The following PCGF6 variants were observed in gnomAD, a reference collection of about 807,000 sequenced individuals.
PCGF6 encodes the protein polycomb group RING finger protein 6.
A neutral mutation model predicts 45.5 loss-of-function variants in PCGF6; 24 were observed. The observed-to-expected ratio is 0.53, with a 90% CI of 0.38 to 0.74. PCGF6 has a LOEUF of 0.74. PCGF6 is among the 30% of genes least tolerant of loss of function. PCGF6 has a pLI of 0.00. For missense variants in PCGF6, 356 were observed against 443.2 expected (o/e 0.80, Z 1.77); for synonymous variants, 152 against 162.1 (o/e 0.94, Z 0.47).
chr10:103,328,833 C>T (rs2093228780), intron 7 of PCGF6, among the ~76,000 whole-genome samples: 3 of 151,778 alleles, frequency 2.0e-5, no homozygotes, highest in South Asian at 4.2e-4. Flanking sequence ...CTCACTGCAA[C>T]CTCTGCCTTC....
intron 5 of PCGF6, among the ~76,000 whole-genome samples, chr10:103,346,600 G>A (rs1362489670): frequency 6.6e-6 from 1 of 152,138 alleles, no homozygotes; most frequent in Non-Finnish European, 1.5e-5. Flanking sequence ...CTCCAGCCTG[G>A]TGACATCTCA....
intron 6 of PCGF6, among the ~76,000 whole-genome samples, chr10:103,339,811 ACACACACACACACACACACACAC>A (rs2093272957): frequency 2.2e-5 from 1 of 45,006 alleles, no homozygotes; most frequent in Admixed American, 2.0e-4. Flanking sequence ...CAAAAAAAAA[ACACACACACACACACACACACAC>A]ACACACACAC....
At chr10:103,321,747 T>C (rs996913927) in intron 8 of PCGF6, among the ~76,000 whole-genome samples, 2 of 151,934 alleles carry the variant, frequency 1.3e-5, no homozygotes, top group Admixed American at 6.6e-5. Context: ...TAATAATATA[T>C]TGTAATTGCT....
At chr10:103,325,363 C>T (rs1374423020) in intron 8 of PCGF6, among the ~76,000 whole-genome samples, 1 of 151,948 alleles carries the variant, frequency 6.6e-6, no homozygotes, top group African/African-American at 2.4e-5. Flanking sequence ...AAGCAATTCT[C>T]CTGCCTCAGC....
At chr10:103,339,785 G>A (rs1450315762) in intron 6 of PCGF6, among the ~76,000 whole-genome samples, 56 of 130,400 alleles carry the variant, frequency 4.3e-4, no homozygotes, top group African/African-American at 1.6e-3. Context: ...GAACAAAAGC[G>A]AAATTCTGTC....
At chr10:103,315,469 C>G (rs1243034887) in intron 8 of PCGF6, among the ~76,000 whole-genome samples, 1 of 152,176 alleles carries the variant, frequency 6.6e-6, no homozygotes, top group African/African-American at 2.4e-5. Flanking sequence ...ACGCCATTCC[C>G]CTGCCTCAGC....
At chr10:103,329,622 C>T (rs572013877) in intron 7 of PCGF6, among the ~76,000 whole-genome samples, 38 of 151,852 alleles carry the variant, frequency 2.5e-4, no homozygotes, top group African/African-American at 7.2e-4. Flanking sequence ...GGACTACAGG[C>T]GTGAGCCACC....
intron 8 of PCGF6, among the ~76,000 whole-genome samples, chr10:103,322,269 T>G (rs1222942252): frequency 6.6e-6 from 1 of 152,074 alleles, no homozygotes; most frequent in Admixed American, 6.6e-5. Context: ...GGTGCAATCA[T>G]GGATCACTGT....
rs578213979 is a variant in PCGF6 at position 103,350,676 on chromosome 10, C to T, written c.360+31G>A. ...AGCTACGTCCCTGACGCCGCTTGGGCCCAGCGGGGTCGCGCGGGGGCTCTA... is the reference window on the plus strand; with the variant it reads ...AGCTACGTCCCTGACGCCGCTTGGGTCCAGCGGGGTCGCGCGGGGGCTCTA... On this transcript the variant is annotated intron_variant, in intron 1 of 9. Coordinates refer to ENST00000369847, the MANE Select transcript of PCGF6 (RefSeq NM_001011663.2). 6.5e-5 allele frequency: 94 copies of T among 1,441,772 alleles called. No homozygotes were observed. The African/African-American group carries it at 1.2e-3, about 18-fold the overall frequency. The allele number at this position is 1,441,772 out of a possible 1,614,324, so 89.3% of individuals were successfully genotyped here.
intron 6 of PCGF6, among the ~76,000 whole-genome samples, chr10:103,342,351 A>G (rs1592075746): frequency 6.6e-6 from 1 of 151,868 alleles, no homozygotes; most frequent in East Asian, 1.9e-4. Context: ...CTCCCGCCTC[A>G]GCCTCCTGGG....
chr10:103,345,887 G>T (rs1383554529), intron 5 of PCGF6, among the ~76,000 whole-genome samples: 3 of 151,174 alleles, frequency 2.0e-5, no homozygotes, highest in African/African-American at 7.3e-5. Context: ...AAGTCACTCA[G>T]CTAAGTCAAG....
intron 6 of PCGF6, among the ~76,000 whole-genome samples, chr10:103,339,856 CACACACACACAA>C (rs2093273513): frequency 8.2e-6 from 1 of 121,486 alleles, no homozygotes; most frequent in Admixed American, 8.8e-5. Flanking sequence ...CACACACACA[CACACACACACAA>C]AAGCATCTTA....
intron 1 of PCGF6, among the ~76,000 whole-genome samples, chr10:103,349,958 T>C (rs1446465904): frequency 2.0e-5 from 3 of 151,440 alleles, no homozygotes; most frequent in African/African-American, 7.3e-5. Flanking sequence ...GGCGGGCGCC[T>C]TGTAGTCCCA....
chr10:103,339,920 C>A (rs1210041144), intron 6 of PCGF6, among the ~76,000 whole-genome samples: 2 of 129,448 alleles, frequency 1.5e-5, no homozygotes, highest in Non-Finnish European at 3.2e-5. Context: ...TCCGAGCACT[C>A]TGGGAGGCTT....
At chr10:103,308,275 G>A (rs183661838) in intron 9 of PCGF6, among the ~76,000 whole-genome samples, 323 of 152,268 alleles carry the variant, frequency 2.1e-3, no homozygotes, top group Non-Finnish European at 3.9e-3. Context: ...ACACCAGCTC[G>A]TGAGAGAAGC....
chr10:103,328,525 T>C (rs1358453950), intron 7 of PCGF6, among the ~76,000 whole-genome samples: 3 of 152,176 alleles, frequency 2.0e-5, no homozygotes, highest in Non-Finnish European at 4.4e-5. Flanking sequence ...CATTTTCTAA[T>C]AGTGAGTCTT....
At chr10:103,315,516 T>C (rs988602864) in intron 8 of PCGF6, among the ~76,000 whole-genome samples, 6 of 152,110 alleles carry the variant, frequency 3.9e-5, no homozygotes, top group Non-Finnish European at 7.4e-5. Context: ...CCCACCACCA[T>C]GCCCAGCTTA....
At chr10:103,309,468 T>C (rs2093148976) in intron 9 of PCGF6, among the ~76,000 whole-genome samples, 1 of 152,214 alleles carries the variant, frequency 6.6e-6, no homozygotes. Flanking sequence ...TGTTTTTGCC[T>C]TCAGCCATGA....
rs905016096 is a variant in PCGF6 at position 103,339,715 on chromosome 10, G to A, written c.782+5309C>T. Among the ~76,000 whole-genome samples, 6 of 149,240 alleles carry A rather than the reference G, an allele frequency of 4.0e-5. No homozygotes were observed. The East Asian group carries it at 8.1e-4, about 20-fold the overall frequency. ...TGAGGTGGCAGAATTGCTTGAAACCGGAAGACTGAGGACTGAGGTTGCAGT... is the reference window on the plus strand; with the variant it reads ...TGAGGTGGCAGAATTGCTTGAAACCAGAAGACTGAGGACTGAGGTTGCAGT... On this transcript the variant is annotated intron_variant, in intron 6 of 9. Transcript: ENST00000369847.
Sources: allele counts gnomAD v4.1 joint callset (sites outside exome capture counted in the v4.1 genomes callset), GRCh38; gene constraint gnomAD v4.1.1; transcripts MANE v1.5; gene names NCBI Gene and HGNC (gene_info 2026-07-23, HGNC 2026-07-21).